The following TMEM163 variants were observed in gnomAD, a reference collection of about 807,000 sequenced individuals.
TMEM163 encodes the protein transmembrane protein 163.
A neutral mutation model predicts 29.3 loss-of-function variants in TMEM163; 17 were observed. The observed-to-expected ratio is 0.58, with a 90% CI of 0.40 to 0.87. The LOEUF is 0.87. TMEM163 is among the 40% of genes least tolerant of loss of function. TMEM163 has a pLI of 0.00. For synonymous variants in TMEM163, 157 were observed against 160.6 expected (o/e 0.98, Z 0.17); for missense variants, 303 against 381.5 (o/e 0.79, Z 1.71).
intron 4 of TMEM163, among the ~76,000 whole-genome samples, chr2:134,504,499 G>A (rs1267734356): frequency 1.3e-5 from 2 of 151,716 alleles, no homozygotes; most frequent in Non-Finnish European, 2.9e-5. Flanking sequence ...ACTCCACACT[G>A]CTGAAAAGTC....
At position 134,506,727 on chromosome 2, in the gene TMEM163, T is replaced by C. The variant is rs1486919824; in HGVS notation, c.459-3730A>G. On this transcript the variant is annotated intron_variant, in intron 4 of 7. Coordinates refer to ENST00000281924, the MANE Select transcript of TMEM163 (RefSeq NM_030923.5). ...GCCCTGGGACTAGTGGTCTCCAGGA[T>C]GCTGTGAAGATTTGAGTCAGGAGCA... is the stretch of plus-strand genomic sequence containing the variant. 2.6e-5 allele frequency among the ~76,000 whole-genome samples: 4 copies of C among 152,330 alleles called. No homozygotes were observed. In the East Asian group the frequency reaches 7.7e-4, roughly 29 times the overall value.
intron 2 of TMEM163, among the ~76,000 whole-genome samples, chr2:134,597,594 G>A (rs1682116964): frequency 6.6e-6 from 1 of 152,232 alleles, no homozygotes; most frequent in East Asian, 1.9e-4. Context: ...TTGTGTCTCT[G>A]CCAGGCTTTG....
intron 6 of TMEM163, among the ~76,000 whole-genome samples, chr2:134,464,769 C>T (rs573311043): frequency 2.6e-5 from 4 of 152,206 alleles, no homozygotes; most frequent in Admixed American, 6.5e-5. Context: ...CCAACAGTCC[C>T]GCCACCTGTC....
At chr2:134,580,379 T>C (rs1681664574) in intron 2 of TMEM163, among the ~76,000 whole-genome samples, 1 of 152,208 alleles carries the variant, frequency 6.6e-6, no homozygotes. Flanking sequence ...AGCCCAATTG[T>C]CAAGCCCAAT....
At chr2:134,591,682 T>C (rs1681937512) in intron 2 of TMEM163, among the ~76,000 whole-genome samples, 1 of 152,164 alleles carries the variant, frequency 6.6e-6, no homozygotes, top group Non-Finnish European at 1.5e-5. Context: ...ATCACAACAC[T>C]GTTCCATTTA....
intron 2 of TMEM163, among the ~76,000 whole-genome samples, chr2:134,603,403 G>A (rs1682277883): frequency 1.3e-5 from 2 of 152,204 alleles, no homozygotes; most frequent in Admixed American, 1.3e-4. Flanking sequence ...AATTTAAAAT[G>A]GCAAGCGGAC....
chr2:134,705,021 C>T (rs1311564430), intron 2 of TMEM163, among the ~76,000 whole-genome samples: 1 of 151,938 alleles, frequency 6.6e-6, no homozygotes, highest in South Asian at 2.1e-4. Flanking sequence ...ACCAGCCTGG[C>T]CAACATGGCG....
At chr2:134,601,018 A>T (rs1367259153) in intron 2 of TMEM163, among the ~76,000 whole-genome samples, 1 of 152,098 alleles carries the variant, frequency 6.6e-6, no homozygotes, top group East Asian at 1.9e-4. Context: ...CATAGTAAAA[A>T]CATACACACA....
chr2:134,667,652 A>G (rs1683897084), intron 2 of TMEM163, among the ~76,000 whole-genome samples: 1 of 152,222 alleles, frequency 6.6e-6, no homozygotes, highest in Non-Finnish European at 1.5e-5. Context: ...TTAATAATTC[A>G]TATATGTAAC....
intron 2 of TMEM163, among the ~76,000 whole-genome samples, chr2:134,645,514 A>T (rs557908227): frequency 6.6e-6 from 1 of 152,258 alleles, no homozygotes; most frequent in East Asian, 1.9e-4. Context: ...AAGAACCTGT[A>T]TGCAAGTATT....
At chr2:134,673,177 CA>C (rs1272718752) in intron 2 of TMEM163, among the ~76,000 whole-genome samples, 1 of 152,136 alleles carries the variant, frequency 6.6e-6, no homozygotes, top group African/African-American at 2.4e-5. Context: ...GAACACCTGG[CA>C]GCCTTCTACT....
chr2:134,683,410 A>T (rs1164289642), intron 2 of TMEM163, among the ~76,000 whole-genome samples: 1 of 148,734 alleles, frequency 6.7e-6, no homozygotes, highest in African/African-American at 2.6e-5. Context: ...AAACTGCTCT[A>T]AAAAAGTCTT....
intron 2 of TMEM163, among the ~76,000 whole-genome samples, chr2:134,653,809 G>T (rs1683537008): frequency 8.3e-6 from 1 of 121,168 alleles, no homozygotes; most frequent in Non-Finnish European, 1.6e-5. Flanking sequence ...TACGTACCCA[G>T]TAGTCATTCA....
intron 5 of TMEM163, among the ~76,000 whole-genome samples, chr2:134,491,936 A>G (rs939749592): frequency 1.3e-5 from 2 of 152,190 alleles, no homozygotes; most frequent in Admixed American, 6.5e-5. Flanking sequence ...TACTGTAAGC[A>G]GGAGATGGAA....
intron 5 of TMEM163, among the ~76,000 whole-genome samples, chr2:134,479,334 A>C (rs762839942): frequency 5.3e-5 from 8 of 152,194 alleles, no homozygotes; most frequent in African/African-American, 1.9e-4. Context: ...TCTGAGTGGA[A>C]TGTCTTTTCC....
Position 134,527,942 on chromosome 2 carries a change from C to A in TMEM163, c.458+22628G>T, listed in dbSNP as rs534394240. ...AACAAAATTCTCAGGTTAACTACAA[C>A]CCAAGAAGAATGGTCAATGTTTACA... On this transcript the variant is annotated intron_variant, in intron 4 of 7. Coordinates refer to ENST00000281924, the MANE Select transcript of TMEM163 (RefSeq NM_030923.5). Among the ~76,000 whole-genome samples the A allele has an allele frequency of 2.6e-4, 39 of 152,206 alleles. No homozygotes were observed. In the South Asian group the frequency reaches 3.7e-3, roughly 15 times the overall value.
intron 3 of TMEM163, 27 bp downstream of exon 3, chr2:134,552,021 G>T: frequency 6.2e-7 from 1 of 1,609,792 alleles, no homozygotes; most frequent in Non-Finnish European, 8.5e-7. Context: ...TGCAAAACTT[G>T]ATGAAAGTAC....
intron 5 of TMEM163, among the ~76,000 whole-genome samples, chr2:134,485,593 G>A (rs991974929): frequency 1.3e-4 from 20 of 152,236 alleles, no homozygotes; most frequent in African/African-American, 3.9e-4. Context: ...TTCTTCCTCC[G>A]GGAAACCTCG....
intron 5 of TMEM163, among the ~76,000 whole-genome samples, chr2:134,474,916 C>T (rs191692922): frequency 3.8e-4 from 58 of 152,174 alleles, no homozygotes; most frequent in South Asian, 1.4e-3. Flanking sequence ...CTCCCCAAAC[C>T]GATCTGGATG....
Sources: allele counts gnomAD v4.1 joint callset (sites outside exome capture counted in the v4.1 genomes callset), GRCh38; gene constraint gnomAD v4.1.1; transcripts MANE v1.5; gene names NCBI Gene and HGNC (gene_info 2026-07-23, HGNC 2026-07-21).